The following CACNA2D3 variants were observed in gnomAD, a reference collection of about 807,000 sequenced individuals.
CACNA2D3 encodes calcium voltage-gated channel auxiliary subunit alpha2delta 3.
A neutral mutation model predicts 160.6 loss-of-function variants in CACNA2D3; 60 were observed. That is an observed-to-expected ratio of 0.37 (90% CI 0.30 to 0.46). The LOEUF (loss-of-function observed/expected upper bound fraction) is 0.46. CACNA2D3 is among the 20% of genes least tolerant of loss of function. CACNA2D3 has a pLI of 1.00. For missense variants in CACNA2D3, 1,205 were observed against 1,365.0 expected (o/e 0.88, Z 1.85); for synonymous variants, 558 against 492.9 (o/e 1.13, Z -1.75).
chr3:54,507,221 T>C (rs1375560883), intron 5 of CACNA2D3, among the ~76,000 whole-genome samples: 6 of 152,196 alleles, frequency 3.9e-5, no homozygotes, highest in African/African-American at 1.2e-4. Context: ...TTTTCTTCCA[T>C]TGTAGTGTAT....
chr3:54,467,199 G>T (rs146048001), intron 4 of CACNA2D3, among the ~76,000 whole-genome samples: 20 of 152,298 alleles, frequency 1.3e-4, no homozygotes, highest in African/African-American at 4.6e-4. Context: ...AGCATCAAAT[G>T]CTGTCTGAAT....
intron 4 of CACNA2D3, among the ~76,000 whole-genome samples, chr3:54,488,904 G>C (rs184857112): frequency 1.3e-5 from 2 of 152,152 alleles, no homozygotes. Context: ...GGAGTTCAGA[G>C]GCAGCTGTCC....
At position 54,764,359 on chromosome 3, in the gene CACNA2D3, C is replaced by T; in HGVS notation, c.1380+8C>T. On this transcript the variant is annotated splice_region_variant and intron_variant, in intron 13 of 37. Transcript: ENST00000474759. ...GCTTACATTGACAGCACTGTGAGTC[C>T]ACGGGGCCCTGGGAAAGAGGCTAAG... 1 of 1,613,536 alleles carries T rather than the reference C, an allele frequency of 6.2e-7. No homozygotes were observed. Among genetic ancestry groups the T allele is most frequent in the Non-Finnish European group, 8.5e-7 (1 of 1,179,588 alleles).
intron 2 of CACNA2D3, among the ~76,000 whole-genome samples, chr3:54,186,020 G>T (rs1700873799): frequency 1.3e-5 from 2 of 152,136 alleles, no homozygotes; most frequent in Admixed American, 6.5e-5. Context: ...TGTATCCTCT[G>T]TTCCAGCCCT....
At chr3:54,228,973 G>T (rs965427650) in intron 2 of CACNA2D3, among the ~76,000 whole-genome samples, 1 of 152,180 alleles carries the variant, frequency 6.6e-6, no homozygotes, top group African/African-American at 2.4e-5. Context: ...CCTCCAGGGC[G>T]CTGGGTATCT....
At chr3:54,295,829 TCTTA>T (rs1239094803) in intron 2 of CACNA2D3, among the ~76,000 whole-genome samples, 2 of 152,208 alleles carry the variant, frequency 1.3e-5, no homozygotes, top group Non-Finnish European at 2.9e-5. Flanking sequence ...TTTGTAGTTA[TCTTA>T]CTTAGGAATA....
chr3:54,508,671 G>A (rs6445677), intron 5 of CACNA2D3, among the ~76,000 whole-genome samples: 84,683 of 152,108 alleles, frequency 0.56, 24,705 homozygotes, highest in Non-Finnish European at 0.65. Flanking sequence ...ATCCGGGAGA[G>A]GTAGGCTGAA....
intron 2 of CACNA2D3, among the ~76,000 whole-genome samples, chr3:54,253,911 G>T (rs933647846): frequency 6.6e-6 from 1 of 151,972 alleles, no homozygotes; most frequent in Non-Finnish European, 1.5e-5. Flanking sequence ...GGGATTATAG[G>T]TGCCTGCCAC....
At position 54,763,745 on chromosome 3, in the gene CACNA2D3, G is replaced by GTACATATATATACATAT. The variant is rs1702139931; in HGVS notation, c.1247-472_1247-471insACATATATATACATATT. Reference sequence around the variant, plus strand: ...TATATACATATATATGTGTATATATGTGCATATATATACACATATATATGT... The same window carrying GTACATATATATACATAT: ...TATATACATATATATGTGTATATATGTACATATATATACATATTGCATATATATACACATATATATGT... On this transcript the variant is annotated intron_variant, in intron 12 of 37. Transcript: ENST00000474759. Among the ~76,000 whole-genome samples, 3 of 94,082 alleles carry GTACATATATATACATAT rather than the reference G, an allele frequency of 3.2e-5. 1 individual carries two copies. The highest frequency in any genetic ancestry group is 6.8e-5 in the Non-Finnish European group (3 of 44,044). The allele number at this position is 94,082 out of a possible 152,430, so 61.7% of individuals were successfully genotyped here.
At chr3:54,977,406 A>AAGATTTTCAATTGACTTTATAATCT (rs1702414394) in intron 29 of CACNA2D3, among the ~76,000 whole-genome samples, 1 of 152,170 alleles carries the variant, frequency 6.6e-6, no homozygotes, top group African/African-American at 2.4e-5. Flanking sequence ...CCTCTTTGTC[A>AAGATTTTCAATTGACTTTATAATCT]AGATTTTCAA....
chr3:54,903,905 A>G (rs999642927), intron 27 of CACNA2D3, among the ~76,000 whole-genome samples: 3 of 152,044 alleles, frequency 2.0e-5, no homozygotes, highest in East Asian at 3.9e-4. Context: ...TAATGGGGCT[A>G]TTTGTTTTCT....
intron 11 of CACNA2D3, among the ~76,000 whole-genome samples, chr3:54,721,860 A>G (rs767964007): frequency 6.6e-6 from 1 of 151,762 alleles, no homozygotes; most frequent in East Asian, 1.9e-4. Context: ...CTTCATTTCA[A>G]CCTTGGTGAA....
chr3:54,252,976 G>C (rs1337850670), intron 2 of CACNA2D3, among the ~76,000 whole-genome samples: 1 of 152,126 alleles, frequency 6.6e-6, no homozygotes, highest in Non-Finnish European at 1.5e-5. Context: ...CAGAGACTTT[G>C]CTGGTCTTTT....
intron 2 of CACNA2D3, among the ~76,000 whole-genome samples, chr3:54,133,784 G>A (rs942594216): frequency 6.6e-6 from 1 of 152,150 alleles, no homozygotes; most frequent in African/African-American, 2.4e-5. Flanking sequence ...ATTTGGCTAA[G>A]TTTTCCTTTG....
At chr3:54,385,171 G>GT (rs1699167710) in intron 3 of CACNA2D3, among the ~76,000 whole-genome samples, 1 of 152,208 alleles carries the variant, frequency 6.6e-6, no homozygotes, top group African/African-American at 2.4e-5. Context: ...TGCAGGGCTT[G>GT]TTAGACCAGA....
intron 3 of CACNA2D3, among the ~76,000 whole-genome samples, chr3:54,326,600 C>T (rs553094638): frequency 1.6e-4 from 25 of 152,234 alleles, no homozygotes; most frequent in South Asian, 1.5e-3. Context: ...TAATTGATTC[C>T]GTTTATCCAT....
At chr3:54,910,623 T>C (rs1700536376) in intron 27 of CACNA2D3, among the ~76,000 whole-genome samples, 1 of 152,170 alleles carries the variant, frequency 6.6e-6, no homozygotes, top group Non-Finnish European at 1.5e-5. Flanking sequence ...CCCAGGGTTC[T>C]CCACCTGTGC....
chr3:54,515,461 C>T (rs1701535650), intron 5 of CACNA2D3, among the ~76,000 whole-genome samples: 1 of 152,148 alleles, frequency 6.6e-6, no homozygotes, highest in Non-Finnish European at 1.5e-5. Context: ...AGGAAATACG[C>T]CTGCATGTAA....
intron 2 of CACNA2D3, among the ~76,000 whole-genome samples, chr3:54,284,701 TA>T (rs1372596535): frequency 6.6e-6 from 1 of 152,176 alleles, no homozygotes; most frequent in Non-Finnish European, 1.5e-5. Context: ...TACTTCTTAA[TA>T]AAAATAGTCG....
Sources: gnomAD v4.1 joint callset for allele counts (sites outside exome capture counted in the v4.1 genomes callset) on GRCh38, gnomAD v4.1.1 for gene constraint, MANE v1.5 for transcripts, NCBI Gene and HGNC (gene_info 2026-07-23, HGNC 2026-07-21) for gene names.